Variants in MCM3AP observed in about 807,000 individuals in gnomAD.
The protein encoded by MCM3AP is minichromosome maintenance complex component 3 associated protein, also known as germinal-center associated nuclear protein.
A neutral mutation model predicts 184.1 loss-of-function variants in MCM3AP; 126 were observed. The observed-to-expected ratio is 0.68, with a 90% CI of 0.59 to 0.79. The LOEUF (loss-of-function observed/expected upper bound fraction) is 0.79, where lower values mean the gene tolerates loss of function less well. MCM3AP is among the 30% of genes least tolerant of loss of function. The probability of loss-of-function intolerance (pLI) is 0.00; values close to 1 mark genes in which losing one functional copy is unlikely to be tolerated. For synonymous variants in MCM3AP, 1,002 were observed against 979.3 expected (o/e 1.02, Z -0.43); for missense variants, 2,496 against 2,479.2 (o/e 1.01, Z -0.14).
At chr21:46,240,113 G>A (rs2080630601) in intron 26 of MCM3AP, among the ~76,000 whole-genome samples, 1 of 152,126 alleles carries the variant, frequency 6.6e-6, no homozygotes, top group African/African-American at 2.4e-5. Context: ...TATGGGGAGG[G>A]GTGGTAGCAC....
intron 27 of MCM3AP, chr21:46,236,323 A>G (rs1420812736): frequency 6.6e-6 from 1 of 152,126 alleles, no homozygotes; most frequent in East Asian, 1.9e-4. Flanking sequence ...CTGAAGGAAG[A>G]ATGGTAAGGT....
chr21:46,268,592 G>T (rs570297358), intron 9 of MCM3AP, among the ~76,000 whole-genome samples: 1 of 152,242 alleles, frequency 6.6e-6, no homozygotes, highest in East Asian at 1.9e-4. Flanking sequence ...AGACAGCGCC[G>T]TGCGGCTCTG....
rs557777260 is a variant in MCM3AP, at chr21:46,285,528, T to C, written c.-242A>G. 1.8e-5 allele frequency: 9 copies of C among 504,622 alleles called. No individual in the cohort carries two copies. The East Asian group carries it at 2.3e-4, about 13-fold the overall frequency. 31.3% of individuals were successfully genotyped at this position (504,622 alleles called of 1,614,324 possible). On this transcript the variant is annotated 5_prime_UTR_variant, in exon 1 of 28. Transcript: ENST00000291688. ...AGGGTTATTATTTTCTGAGAGCCGA[T>C]AGGTTATTTTGTTGGAGGGTGGGGT...
chr21:46,261,108 G>A (rs896366952), intron 14 of MCM3AP, among the ~76,000 whole-genome samples, 172 bp downstream of exon 14: 3 of 152,138 alleles, frequency 2.0e-5, no homozygotes, highest in Non-Finnish European at 2.9e-5. Flanking sequence ...GGTAGGTGTG[G>A]CCTGAGGAGC....
chr21:46,285,612 TA>T (rs545633278), upstream of MCM3AP: 4,427 of 181,588 alleles, frequency 0.024, no homozygotes, highest in East Asian at 0.051. Flanking sequence ...CCTTTAAGAT[TA>T]AAAAAAAAAA....
At chr21:46,249,238 A>C (rs1233396631) in intron 20 of MCM3AP, among the ~76,000 whole-genome samples, 3 of 152,180 alleles carry the variant, frequency 2.0e-5, no homozygotes, top group East Asian at 3.9e-4. Flanking sequence ...TCAACACCGG[A>C]GTGCAGTGGT....
rs368834339 is a variant in MCM3AP, at chr21:46,257,555, C to G, written c.3735-569G>C. Among the ~76,000 whole-genome samples, 105 of 151,794 alleles carry G rather than the reference C, an allele frequency of 6.9e-4. 2 individuals are homozygous for G. The South Asian group carries it at 0.022, about 31-fold the overall frequency. On this transcript the variant is annotated intron_variant, in intron 16 of 27. Coordinates refer to ENST00000291688, the MANE Select transcript of MCM3AP (RefSeq NM_003906.5). Reference sequence around the variant, plus strand: ...ACTGATAGGAATTTATCTCCACACACGTGCCTGTGTGCAAACGGGTGAGAT... The same window carrying G: ...ACTGATAGGAATTTATCTCCACACAGGTGCCTGTGTGCAAACGGGTGAGAT...
intron 26 of MCM3AP, among the ~76,000 whole-genome samples, chr21:46,240,415 G>T (rs1329201794): frequency 6.6e-6 from 1 of 152,064 alleles, no homozygotes; most frequent in African/African-American, 2.4e-5. Context: ...TGTAGAGGAG[G>T]GGCAGCCCCA....
At chr21:46,282,995 G>A (rs896556420) in intron 2 of MCM3AP, among the ~76,000 whole-genome samples, 5 of 151,056 alleles carry the variant, frequency 3.3e-5, no homozygotes, top group Non-Finnish European at 5.9e-5. Flanking sequence ...GCACGAACTC[G>A]GCTCACTGCA....
At position 46,251,242 on chromosome 21, in the gene MCM3AP, T is replaced by C; in HGVS notation, c.4290+287A>G. The C allele has an allele frequency of 1.3e-5, 3 of 236,052 alleles. 1 individual carries two copies. The allele number at this position is 236,052 out of a possible 1,614,324, so 14.6% of individuals were successfully genotyped here. A position where few individuals can be genotyped will look rare whatever the true frequency, so the allele number is the denominator to read the frequency against. On this transcript the variant is annotated intron_variant, in intron 20 of 27. Transcript: ENST00000291688. ...TTTATACTTCTTTTACATTTCCTCA[T>C]TTTTTAAAAGTTTTGTGTACATATT...
chr21:46,279,974 T>C lies in MCM3AP; in HGVS notation c.1667+19A>G, dbSNP rs1359729237. On this transcript the variant is annotated intron_variant, in intron 4 of 27. Transcript: ENST00000291688. ...CCTGGTCCTTCCGGAATAAGGTCAT[T>C]AGGAGGGACCGATCCCACCTTTTAT... The C allele has an allele frequency of 6.2e-7, 1 of 1,604,538 alleles. No individual in the cohort carries two copies. The highest frequency in any genetic ancestry group is 8.5e-7 in the Non-Finnish European group (1 of 1,176,502).
At chr21:46,270,672 C>T (rs1373887976) in intron 8 of MCM3AP, 109 bp from the exon 9 acceptor site, 24 of 977,896 alleles carry the variant, frequency 2.5e-5, no homozygotes, top group Middle Eastern at 3.4e-4. Flanking sequence ...GATGCAGTGG[C>T]TCACACCTGT....
At chr21:46,273,271 G>T in intron 7 of MCM3AP, 117 bp downstream of exon 7, 1 of 1,007,984 alleles carries the variant, frequency 9.9e-7, no homozygotes, top group African/African-American at 1.6e-5. Flanking sequence ...CACTGCACCT[G>T]GCCCACAAAA....
At chr21:46,266,284 A>T in intron 10 of MCM3AP, 118 bp from the exon 11 acceptor site, 1 of 1,120,366 alleles carries the variant, frequency 8.9e-7, no homozygotes, top group Non-Finnish European at 1.2e-6. Context: ...TGTGTAAATA[A>T]CAGAAAGCAC....
rs537334261 is a variant in MCM3AP, at chr21:46,257,086, A to T, written c.3735-100T>A. The T allele has an allele frequency of 7.9e-5, 116 of 1,476,364 alleles. No homozygotes were observed. The African/African-American group carries it at 1.4e-3, about 17-fold the overall frequency. 91.5% of individuals were successfully genotyped at this position (1,476,364 alleles called of 1,614,324 possible). A position where few individuals can be genotyped will look rare whatever the true frequency, so the allele number is the denominator to read the frequency against. On this transcript the variant is annotated intron_variant, in intron 16 of 27. Transcript: ENST00000291688. ...TCAGGCATGGGGAAGGAAGGACATCAAATGAGTGTGGTGAGCAATGAAACT... is the reference window on the plus strand; with the variant it reads ...TCAGGCATGGGGAAGGAAGGACATCTAATGAGTGTGGTGAGCAATGAAACT...
In MCM3AP at chr21:46,284,547, T is replaced by C. The variant is rs146055379; in HGVS notation, c.740A>G (p.Asn247Ser). The stretch of plus-strand genomic sequence containing the variant: ...TGATACAGGGAAGCTACTGAAGCTA[T>C]TATTAGAACTTCCAAATATTGACTT... ...GPKSIFGSSN[N>S]SFSSFPVSSA... Residue 247 changes from asparagine to serine, a missense_variant, in exon 1 of 28, where the codon AAT becomes AGT. By Grantham distance (46) the Asn-to-Ser change is conservative. This residue lies in a region of MCM3AP where 800 missense variants were observed against 717.1 expected (regional missense o/e 1.12). Transcript: ENST00000291688. 7.2e-5 allele frequency: 116 copies of C among 1,614,222 alleles called. No homozygotes were observed. The African/African-American group carries it at 1.3e-3, about 18-fold the overall frequency.
At chr21:46,280,406 G>T in intron 3 of MCM3AP, 91 bp downstream of exon 3, 3 of 1,012,952 alleles carry the variant, frequency 3.0e-6, no homozygotes, top group Non-Finnish European at 2.9e-6. Flanking sequence ...GTAATCCCAA[G>T]ATCAGACTGG....
intron 2 of MCM3AP, among the ~76,000 whole-genome samples, chr21:46,282,994 C>G (rs180967735): frequency 6.6e-6 from 1 of 151,500 alleles, no homozygotes; most frequent in Non-Finnish European, 1.5e-5. Flanking sequence ...GGCACGAACT[C>G]GGCTCACTGC....
At position 46,283,763 on chromosome 21, in the gene MCM3AP, G is replaced by A. The variant is rs766921551; in HGVS notation, c.1295C>T (p.Ser432Phe). Residue 432 changes from serine to phenylalanine, a missense_variant, in exon 2 of 28, where the codon TCT (serine) becomes TTT (phenylalanine). Around this residue, in one of 5 missense-constraint regions of MCM3AP, gnomAD observed 800 missense variants for 717.1 expected, o/e 1.12. Coordinates refer to ENST00000291688, the MANE Select transcript of MCM3AP (RefSeq NM_003906.5). ...STDSLGGLSP[S>F]EVTAIQCKNI... ...CTTGCACTGGATGGCTGTGACTTCA[G>A]AGGGAGACAAGCCCCCAAGACTGTC... 29 of 1,614,130 alleles carry A rather than the reference G, an allele frequency of 1.8e-5. No homozygotes were observed. Among genetic ancestry groups the A allele is most frequent in the Non-Finnish European group, 2.5e-5 (29 of 1,179,974 alleles).
Sources: gnomAD v4.1 joint callset for allele counts (sites outside exome capture counted in the v4.1 genomes callset) on GRCh38, gnomAD v4.1.1 for gene constraint, gnomAD v4.1.1 regional missense constraint, MANE v1.5 for transcripts, NCBI Gene and HGNC (gene_info 2026-07-23, HGNC 2026-07-21) for gene names.